The following ARSF variants were observed in gnomAD, a reference collection of about 807,000 sequenced individuals.
ARSF encodes the protein arylsulfatase F.
A neutral mutation model predicts 35.4 loss-of-function variants in ARSF; 33 were observed. That is an observed-to-expected ratio of 0.93 (90% confidence interval 0.71 to 1.25). The LOEUF (loss-of-function observed/expected upper bound fraction) is 1.25. Ranked by LOEUF, ARSF falls within the 50% of genes most tolerant of loss-of-function variation. ARSF has a pLI of 0.00. For synonymous variants in ARSF, 222 were observed against 193.1 expected (o/e 1.15, Z -1.24); for missense variants, 501 against 480.2 (o/e 1.04, Z -0.40).
Position 3,073,566 on chromosome X carries a change from TTTAA to T in ARSF, c.161+1395_161+1398del, listed in dbSNP as rs2090122992. Reference sequence around the variant, plus strand: ...AATATATATTATTTATTAATATATATTTAATTATACATATATAAATATTTTAATA... The same window carrying T: ...AATATATATTATTTATTAATATATATTTATACATATATAAATATTTTAATA... On this transcript the variant is annotated intron_variant, in intron 3 of 10. Transcript: ENST00000381127. Among the ~76,000 whole-genome samples, 3 of 98,979 alleles carry T rather than the reference TTTAA, an allele frequency of 3.0e-5. No individual in the cohort carries two copies. The Admixed American group carries it at 3.7e-4, about 12-fold the overall frequency. The allele number at this position is 98,979 out of a possible 115,157, so 86.0% of individuals were successfully genotyped here.
At chrX:3,060,680 T>C (rs1206218928) in intron 1 of ARSF, among the ~76,000 whole-genome samples, 1 of 111,458 alleles carries the variant, frequency 9.0e-6, no homozygotes, top group African/African-American at 3.3e-5. Flanking sequence ...CAAGCTTCAA[T>C]AGCCGATTCA....
At chrX:3,087,500 A>G (rs2090256881) in intron 6 of ARSF, among the ~76,000 whole-genome samples, 1 of 111,020 alleles carries the variant, frequency 9.0e-6, no homozygotes, top group African/African-American at 3.3e-5. Flanking sequence ...TAGTCATTGG[A>G]TTTAGTGCCC....
intron 4 of ARSF, among the ~76,000 whole-genome samples, chrX:3,077,950 C>T (rs973765222): frequency 3.8e-5 from 4 of 105,715 alleles, no homozygotes; most frequent in Non-Finnish European, 7.8e-5. Context: ...ATTACAGGCA[C>T]GTGCCACCAG....
intron 2 of ARSF, among the ~76,000 whole-genome samples, chrX:3,070,294 C>T (rs1192737392): frequency 1.8e-5 from 2 of 111,571 alleles, no homozygotes; most frequent in Non-Finnish European, 3.8e-5. Context: ...TCCATTCATG[C>T]AATGATGGAC....
intron 5 of ARSF, among the ~76,000 whole-genome samples, chrX:3,083,481 C>CCT: frequency 1.1e-5 from 1 of 93,481 alleles, no homozygotes; most frequent in Non-Finnish European, 2.1e-5. Flanking sequence ...TCTCCTCTAT[C>CCT]CTATCTATCT....
At chrX:3,067,781 C>G (rs2090075648) in intron 1 of ARSF, among the ~76,000 whole-genome samples, 1 of 108,738 alleles carries the variant, frequency 9.2e-6, no homozygotes, top group Non-Finnish European at 1.9e-5. Flanking sequence ...ATGGCTTGAA[C>G]CCGGGAGGCA....
chrX:3,112,087 G>A, intron 10 of ARSF, 87 bp from the exon 11 acceptor site: 1 of 838,980 alleles, frequency 1.2e-6, no homozygotes, highest in Non-Finnish European at 1.7e-6. Flanking sequence ...CTGGGGACTG[G>A]GGACCCCTGC....
Position 3,111,138 on chromosome X carries a change from CT to C in ARSF, c.1390+900del, listed in dbSNP as rs1164012790. On this transcript the variant is annotated intron_variant, in intron 10 of 10. Coordinates refer to ENST00000381127, the MANE Select transcript of ARSF (RefSeq NM_001201539.2). ...TGCCTCTGATGTGCTTTCTTTCTTT[CT>C]TTTTTTTTTTTTTGGAGATAAAAAA... Among the ~76,000 whole-genome samples the C allele has an allele frequency of 4.0e-3, 352 of 89,097 alleles. 3 individuals are homozygous for C. The highest frequency in any genetic ancestry group is 0.034 in the East Asian group (105 of 3,091). The allele number at this position is 89,097 out of a possible 115,157, so 77.4% of individuals were successfully genotyped here.
intron 2 of ARSF, among the ~76,000 whole-genome samples, chrX:3,071,032 G>A (rs1386091939): frequency 9.2e-6 from 1 of 108,667 alleles, no homozygotes; most frequent in African/African-American, 3.4e-5. Context: ...AGATAAAGAA[G>A]ATGTGTTATA....
At chrX:3,062,350 G>A (rs1254609656) in intron 1 of ARSF, among the ~76,000 whole-genome samples, 4 of 111,749 alleles carry the variant, frequency 3.6e-5, no homozygotes, top group Non-Finnish European at 5.6e-5. Flanking sequence ...GAAGAAAGCA[G>A]GAAATATCTA....
intron 9 of ARSF, among the ~76,000 whole-genome samples, chrX:3,106,642 A>C (rs987385524): frequency 2.7e-5 from 3 of 112,543 alleles, no homozygotes; most frequent in Non-Finnish European, 5.6e-5. Flanking sequence ...TAGAATTAAC[A>C]CAATTTGTTT....
chrX:3,100,744 G>A (rs1156347672), intron 7 of ARSF, among the ~76,000 whole-genome samples: 1 of 110,897 alleles, frequency 9.0e-6, no homozygotes, highest in Non-Finnish European at 1.9e-5. Context: ...TTACAGGCCT[G>A]TGCCACCATG....
rs182887355 is a variant in ARSF, at chrX:3,094,752, T to C, written c.967+5120T>C. Among the ~76,000 whole-genome samples the C allele has an allele frequency of 4.9e-3, 539 of 110,467 alleles. 3 individuals carry two copies. Among genetic ancestry groups the C allele is most frequent in the African/African-American group, 0.016 (488 of 30,495 alleles). ...AGCAACACAGCTTGGGCAGCAACCC[T>C]GGACAGGGCAGAACTGCAAAGGAGG... is the stretch of plus-strand genomic sequence containing the variant. On this transcript the variant is annotated intron_variant, in intron 7 of 10. Transcript: ENST00000381127.
intron 1 of ARSF, among the ~76,000 whole-genome samples, chrX:3,049,004 A>G (rs989018208): frequency 5.3e-5 from 6 of 112,184 alleles, no homozygotes; most frequent in African/African-American, 1.9e-4. Context: ...TACAGATGCT[A>G]CCAAAAGACT....
At chrX:3,068,435 G>A (rs2090081209) in intron 2 of ARSF, among the ~76,000 whole-genome samples, 2 of 110,871 alleles carry the variant, frequency 1.8e-5, no homozygotes, top group African/African-American at 6.6e-5. Context: ...TTAGAGACAG[G>A]GTTTCACAGG....
At chrX:3,056,204 G>T in intron 1 of ARSF, among the ~76,000 whole-genome samples, 1 of 110,244 alleles carries the variant, frequency 9.1e-6, no homozygotes, top group Non-Finnish European at 1.9e-5. Context: ...CAATCAATCT[G>T]CCTGTCTCAA....
intron 6 of ARSF, among the ~76,000 whole-genome samples, 154 bp from the exon 7 acceptor site, chrX:3,089,342 A>G (rs2090271538): frequency 8.9e-6 from 1 of 111,862 alleles, no homozygotes; most frequent in Non-Finnish European, 1.9e-5. Context: ...CATGGAGTCC[A>G]TTCTATGCAG....
intron 4 of ARSF, among the ~76,000 whole-genome samples, chrX:3,078,589 T>G (rs1429210069): frequency 9.0e-6 from 1 of 111,047 alleles, no homozygotes; most frequent in Non-Finnish European, 1.9e-5. Flanking sequence ...AGCCTCAAAC[T>G]CCAGGGCTCA....
chrX:3,080,065 G>A (rs778198064), intron 4 of ARSF, among the ~76,000 whole-genome samples: 12 of 107,477 alleles, frequency 1.1e-4, no homozygotes, highest in South Asian at 8.7e-4. Flanking sequence ...TACAGATGCC[G>A]CAGTTTAATG....
Sources: gnomAD v4.1 joint callset for allele counts (sites outside exome capture counted in the v4.1 genomes callset) on GRCh38, gnomAD v4.1.1 for gene constraint, MANE v1.5 for transcripts, NCBI Gene and HGNC (gene_info 2026-07-23, HGNC 2026-07-21) for gene names.